Variants in TAFA1 observed in about 807,000 individuals in gnomAD.
TAFA1 encodes chemokine-like protein TAFA-1.
In TAFA1, 4 loss-of-function variants were observed where a neutral mutation model predicts 18.5. The ratio of observed to expected loss-of-function variants is 0.22; its 90% CI spans 0.11 to 0.49. TAFA1 has a LOEUF of 0.49. TAFA1 is among the 20% of genes least tolerant of loss of function. The pLI is 0.98. For missense variants in TAFA1, 147 were observed against 169.0 expected, an observed-to-expected ratio of 0.87 and a Z score of 0.72; for synonymous variants, 56 against 55.2, an observed-to-expected ratio of 1.01 and a Z score of -0.06.
chr3:68,092,891 G>A lies in TAFA1; in HGVS notation c.118+86147G>A, dbSNP rs75551359. Reference sequence around the variant, plus strand: ...ACCAAGATTTACACACTACAACTCCGTTAGCTTTATTGTCTCTGCTGAACA... The same window carrying A: ...ACCAAGATTTACACACTACAACTCCATTAGCTTTATTGTCTCTGCTGAACA... On this transcript the variant is annotated intron_variant, in intron 2 of 4. Transcript: ENST00000478136. Among the ~76,000 whole-genome samples the A allele has an allele frequency of 3.3e-5, 5 of 152,046 alleles. No homozygotes were observed. In the East Asian group the frequency reaches 5.8e-4, roughly 18 times the overall value.
chr3:68,433,457 T>A (rs1467721636), intron 3 of TAFA1, among the ~76,000 whole-genome samples: 1 of 152,116 alleles, frequency 6.6e-6, no homozygotes, highest in African/African-American at 2.4e-5. Context: ...CTACTGTACA[T>A]CTTGTTCTTC....
intron 3 of TAFA1, among the ~76,000 whole-genome samples, chr3:68,445,961 G>A (rs1317112305): frequency 6.6e-6 from 1 of 152,104 alleles, no homozygotes; most frequent in Non-Finnish European, 1.5e-5. Context: ...GAATGCAGTG[G>A]TACAATCACA....
intron 2 of TAFA1, among the ~76,000 whole-genome samples, chr3:68,120,173 CTTT>C (rs2065374107): frequency 2.2e-3 from 36 of 16,458 alleles, no homozygotes; most frequent in Admixed American, 5.7e-3. Context: ...CTTTCTTTCT[CTTT>C]CTTTCTTTCT....
chr3:68,495,837 A>G lies in TAFA1; in HGVS notation c.260-42919A>G, dbSNP rs75579228. 3.4e-3 allele frequency among the ~76,000 whole-genome samples: 522 copies of G among 152,244 alleles called. 2 individuals carry two copies. Among genetic ancestry groups the G allele is most frequent in the Middle Eastern group, 6.8e-3 (2 of 294 alleles). On this transcript the variant is annotated intron_variant, in intron 3 of 4. Coordinates refer to ENST00000478136, the MANE Select transcript of TAFA1 (RefSeq NM_213609.4). ...CCAAGAAAGGAATTTACATGAAAGC[A>G]AGTTAGGCAATGCCAAACTTCCTTC...
chr3:68,532,886 T>C (rs2073211006), intron 3 of TAFA1, among the ~76,000 whole-genome samples: 1 of 148,674 alleles, frequency 6.7e-6, no homozygotes, highest in African/African-American at 2.4e-5. Context: ...AGCAAAATAA[T>C]AATAATAATA....
chr3:68,265,636 A>G (rs926302386), intron 2 of TAFA1, among the ~76,000 whole-genome samples: 1 of 152,202 alleles, frequency 6.6e-6, no homozygotes, highest in Non-Finnish European at 1.5e-5. Flanking sequence ...GGCCTGAGAA[A>G]GATGACATGA....
Position 68,406,493 on chromosome 3 carries a change from T to A in TAFA1, c.119-10787T>A, listed in dbSNP as rs117442173. ...TAGAATACAACTTATTCATTTTAGA[T>A]GTTGGCTCAGGGAAGCTGTGATTCA... On this transcript the variant is annotated intron_variant, in intron 2 of 4. Coordinates refer to ENST00000478136, the MANE Select transcript of TAFA1 (RefSeq NM_213609.4). Among the ~76,000 whole-genome samples, 3 of 152,326 alleles carry A rather than the reference T, an allele frequency of 2.0e-5. No homozygotes were observed. The East Asian group carries it at 5.8e-4, about 29-fold the overall frequency.
At chr3:68,279,893 A>G (rs561058894) in intron 2 of TAFA1, among the ~76,000 whole-genome samples, 69 of 152,314 alleles carry the variant, frequency 4.5e-4, no homozygotes, top group African/African-American at 1.5e-3. Context: ...AGAAATTTCA[A>G]TTTGTAGCCT....
intron 3 of TAFA1, among the ~76,000 whole-genome samples, chr3:68,424,916 T>C (rs2071023395): frequency 6.6e-6 from 1 of 152,030 alleles, no homozygotes; most frequent in Non-Finnish European, 1.5e-5. Context: ...GCCATGATGC[T>C]GTAGAGTCTG....
At chr3:68,400,923 C>T (rs567839868) in intron 2 of TAFA1, among the ~76,000 whole-genome samples, 2 of 152,156 alleles carry the variant, frequency 1.3e-5, no homozygotes, top group Non-Finnish European at 2.9e-5. Flanking sequence ...GTGAATAGGA[C>T]AGAAAAATAT....
intron 2 of TAFA1, among the ~76,000 whole-genome samples, chr3:68,408,672 T>C (rs533421779): frequency 1.0e-3 from 159 of 152,150 alleles, no homozygotes; most frequent in Non-Finnish European, 2.0e-3. Flanking sequence ...AATCATTTAG[T>C]AAATGTGTGA....
chr3:68,068,132 A>G (rs2064706131), intron 2 of TAFA1, among the ~76,000 whole-genome samples: 1 of 152,194 alleles, frequency 6.6e-6, no homozygotes, highest in Non-Finnish European at 1.5e-5. Flanking sequence ...AGAGATTAGG[A>G]ATTAATACAT....
At chr3:68,454,066 T>A (rs558889998) in intron 3 of TAFA1, among the ~76,000 whole-genome samples, 5 of 152,304 alleles carry the variant, frequency 3.3e-5, no homozygotes, top group Admixed American at 2.6e-4. Flanking sequence ...ACTTGTAAAT[T>A]TATAGCACTG....
rs542937167 is a variant in TAFA1, at chr3:68,545,345, A to T, written c.*842A>T. The T allele has an allele frequency of 6.5e-6, 1 of 152,720 alleles. No homozygotes were observed. Among genetic ancestry groups the T allele is most frequent in the African/African-American group, 2.4e-5 (1 of 41,580 alleles). 9.5% of individuals were successfully genotyped at this position (152,720 alleles called of 1,614,324 possible). A position where few individuals can be genotyped will look rare whatever the true frequency, so the allele number is the denominator to read the frequency against. Reference sequence around the variant, plus strand: ...TAGGATATGGATCCCTACATGAATAAGTCCTGTAAATACAATGTCTTAAGG... The same window carrying T: ...TAGGATATGGATCCCTACATGAATATGTCCTGTAAATACAATGTCTTAAGG... On this transcript the variant is annotated 3_prime_UTR_variant, in exon 5 of 5. Transcript: ENST00000478136.
chr3:68,436,410 G>T (rs1163866223), intron 3 of TAFA1, among the ~76,000 whole-genome samples: 1 of 152,058 alleles, frequency 6.6e-6, no homozygotes, highest in African/African-American at 2.4e-5. Context: ...CTTAACTCAG[G>T]TGAAGTTCAT....
chr3:68,418,527 C>T (rs1425084469), intron 3 of TAFA1, among the ~76,000 whole-genome samples: 10 of 151,050 alleles, frequency 6.6e-5, no homozygotes, highest in East Asian at 3.9e-4. Flanking sequence ...TCAGTTAAGG[C>T]GGAGCAGGGC....
intron 3 of TAFA1, among the ~76,000 whole-genome samples, chr3:68,446,019 A>C (rs1245302043): frequency 6.6e-6 from 1 of 152,078 alleles, no homozygotes; most frequent in East Asian, 1.9e-4. Flanking sequence ...CTTCCTCTTT[A>C]GTCTCCAAAG....
At chr3:67,998,060 C>CA in the TAFA1 span, among the ~76,000 whole-genome samples, 765 of 150,626 alleles carry the variant, frequency 5.1e-3, 6 homozygotes, top group African/African-American at 0.018. Context: ...AAAAATTAAA[C>CA]AAAAAAAACC....
intron 2 of TAFA1, among the ~76,000 whole-genome samples, chr3:68,047,215 T>C (rs570712880): frequency 3.3e-5 from 5 of 152,310 alleles, no homozygotes; most frequent in East Asian, 3.9e-4. Context: ...GTGGCGACAA[T>C]AGCACATCTT....
Sources: allele counts gnomAD v4.1 joint callset (sites outside exome capture counted in the v4.1 genomes callset), GRCh38; gene constraint gnomAD v4.1.1; transcripts MANE v1.5; gene names NCBI Gene and HGNC (gene_info 2026-07-23, HGNC 2026-07-21).